Variants in FAM193A observed in about 807,000 individuals in gnomAD.
FAM193A encodes the protein protein FAM193A.
In FAM193A, 22 loss-of-function variants were observed where a neutral mutation model predicts 126.5. The ratio of observed to expected loss-of-function variants is 0.17; its 90% confidence interval spans 0.12 to 0.25. The LOEUF (loss-of-function observed/expected upper bound fraction) is 0.25, where lower values mean the gene tolerates loss of function less well. Among genes scored for constraint, FAM193A ranks in the 10% least tolerant of loss-of-function variants. FAM193A has a pLI of 1.00. For synonymous variants in FAM193A, 761 were observed against 646.8 expected (o/e 1.18, Z -2.68); for missense variants, 1,675 against 1,672.8 (o/e 1.00, Z -0.02).
chr4:2,616,810 C>T (rs1384985916), intron 2 of FAM193A, among the ~76,000 whole-genome samples: 1 of 151,324 alleles, frequency 6.6e-6, no homozygotes, highest in African/African-American at 2.4e-5. Context: ...TCATGATCTG[C>T]CCGCCCTGGC....
At chr4:2,635,996 A>T (rs1038597440) in intron 5 of FAM193A, among the ~76,000 whole-genome samples, 1 of 145,316 alleles carries the variant, frequency 6.9e-6, no homozygotes, top group African/African-American at 2.8e-5. Flanking sequence ...TGGAAAAAGG[A>T]CGAATTTTTT....
chr4:2,622,399 TC>T (rs1206948689), intron 2 of FAM193A, among the ~76,000 whole-genome samples: 1 of 152,046 alleles, frequency 6.6e-6, no homozygotes, highest in Non-Finnish European at 1.5e-5. Flanking sequence ...CCTGTCCTGT[TC>T]CTCCAGGATG....
intron 5 of FAM193A, among the ~76,000 whole-genome samples, chr4:2,638,607 C>G (rs1744318367): frequency 6.6e-6 from 1 of 152,246 alleles, no homozygotes; most frequent in East Asian, 1.9e-4. Context: ...TCTCTCAATT[C>G]TTGTGTTTCC....
rs769099752 is a variant in FAM193A, at chr4:2,630,951, C to G, written c.820C>G (p.Pro274Ala). The G allele has an allele frequency of 6.2e-7, 1 of 1,601,816 alleles. No homozygotes were observed. The highest frequency in any genetic ancestry group is 1.1e-5 in the South Asian group (1 of 90,664). ...TCTGTGCAGGCTCTGCGAGAGGGAC[C>G]CCTACCAGCTGTACCAGCGTCTGGA... ...ELVDRLCERDPYQLYQRLEQQ... is the reference protein window; with the variant it reads ...ELVDRLCERDAYQLYQRLEQQ... Residue 274 changes from proline (P) to alanine (A), a missense_variant, in exon 5 of 21, where the codon CCC becomes GCC. Pro to Ala is a conservative substitution (Grantham distance 27, BLOSUM62 -1). This residue lies in a region of FAM193A where 1,186 missense variants were observed against 1,109.2 expected (regional missense o/e 1.07). Transcript: ENST00000637812.
chr4:2,703,637 A>G (rs1003939749), intron 19 of FAM193A, among the ~76,000 whole-genome samples: 2 of 151,984 alleles, frequency 1.3e-5, no homozygotes, highest in Admixed American at 1.3e-4. Flanking sequence ...GTTTCCTTGG[A>G]GCACTTTCCC....
At chr4:2,655,340 G>A (rs746198677) in intron 7 of FAM193A, among the ~76,000 whole-genome samples, 5 of 152,068 alleles carry the variant, frequency 3.3e-5, no homozygotes, top group African/African-American at 7.2e-5. Context: ...ACATTCTTGC[G>A]TTCCTGGGAT....
intron 5 of FAM193A, 63 bp downstream of exon 5, chr4:2,631,232 G>A: frequency 6.7e-7 from 1 of 1,494,326 alleles, no homozygotes; most frequent in Non-Finnish European, 9.1e-7. Context: ...TGTGGCAAGA[G>A]GAAGCTTCTC....
chr4:2,563,554 A>G (rs912565306), intron 1 of FAM193A, among the ~76,000 whole-genome samples: 3 of 152,100 alleles, frequency 2.0e-5, no homozygotes, highest in Non-Finnish European at 1.5e-5. Context: ...AAACCTCCCA[A>G]AACCAAAACA....
chr4:2,602,648 T>G (rs939806288), intron 2 of FAM193A, among the ~76,000 whole-genome samples: 2 of 151,520 alleles, frequency 1.3e-5, no homozygotes, highest in Non-Finnish European at 2.9e-5. Context: ...GCTGGCCATG[T>G]TTTTCGTTTT....
chr4:2,657,548 C>T (rs1395990389), intron 7 of FAM193A, among the ~76,000 whole-genome samples: 1 of 152,250 alleles, frequency 6.6e-6, no homozygotes, highest in Non-Finnish European at 1.5e-5. Context: ...CAGATTTAGT[C>T]AGAATATCTT....
intron 1 of FAM193A, among the ~76,000 whole-genome samples, chr4:2,562,014 A>C (rs1314538704): frequency 6.6e-6 from 1 of 152,190 alleles, no homozygotes; most frequent in African/African-American, 2.4e-5. Context: ...AGTTTTGTCT[A>C]AAGATCTCAG....
At position 2,694,991 on chromosome 4, in the gene FAM193A, C is replaced by T; in HGVS notation, c.3138C>T (p.Asp1046=). The stretch of plus-strand genomic sequence containing the variant: ...ACCGCTGCGAGAATGGTGTCTACGA[C>T]CCACAGCAGGATGATGGGGACGAGA... ...EGHRCENGVY[D]PQQDDGDESA... The change falls in exon 17 of 21, where the codon GAC becomes GAT. Residue 1046 remains aspartate, a synonymous_variant. Coordinates refer to ENST00000637812, the MANE Select transcript of FAM193A (RefSeq NM_001366318.2). 1 of 1,606,774 alleles carries T rather than the reference C, an allele frequency of 6.2e-7. No homozygotes were observed. The highest frequency in any genetic ancestry group is 8.5e-7 in the Non-Finnish European group (1 of 1,177,020).
rs1023423320 is a variant in FAM193A at position 2,603,274 on chromosome 4, G to A, written c.501+6945G>A. Among the ~76,000 whole-genome samples, 14 of 102,672 alleles carry A rather than the reference G, an allele frequency of 1.4e-4. 1 individual carries two copies. The highest frequency in any genetic ancestry group is 2.8e-4 in the East Asian group (1 of 3,584). 67.4% of individuals were successfully genotyped at this position (102,672 alleles called of 152,430 possible). A position where few individuals can be genotyped will look rare whatever the true frequency, so the allele number is the denominator to read the frequency against. Reference sequence around the variant, plus strand: ...GCTGGGATTATAGGTGTGAGCCACCGCGCCTGGCTTTTTTTGTTTTTTTTT... The same window carrying A: ...GCTGGGATTATAGGTGTGAGCCACCACGCCTGGCTTTTTTTGTTTTTTTTT... On this transcript the variant is annotated intron_variant, in intron 2 of 20. Coordinates refer to ENST00000637812, the MANE Select transcript of FAM193A (RefSeq NM_001366318.2).
chr4:2,726,765 T>TTC (rs1720789438), intron 20 of FAM193A, among the ~76,000 whole-genome samples: 1 of 127,862 alleles, frequency 7.8e-6, no homozygotes, highest in African/African-American at 3.1e-5. Flanking sequence ...AACCCCACCT[T>TTC]TACTAAAAAT....
chr4:2,659,774 A>C (rs1031861327), intron 9 of FAM193A, 38 bp from the exon 10 acceptor site: 15 of 1,614,042 alleles, frequency 9.3e-6, no homozygotes, highest in Non-Finnish European at 1.3e-5. Context: ...AGTCTTGTGC[A>C]TTGGTTGGCT....
intron 7 of FAM193A, chr4:2,654,923 G>T: frequency 2.1e-6 from 1 of 466,998 alleles, no homozygotes; most frequent in Non-Finnish European, 3.9e-6. Flanking sequence ...CTCGCCAGAT[G>T]CCGGCATTAA....
intron 13 of FAM193A, among the ~76,000 whole-genome samples, chr4:2,688,900 G>A (rs942324804): frequency 6.6e-5 from 10 of 152,230 alleles, no homozygotes; most frequent in Admixed American, 5.2e-4. Flanking sequence ...CATGGATGTT[G>A]GCTAGCCAGC....
At chr4:2,603,820 A>G (rs1456096570) in intron 2 of FAM193A, among the ~76,000 whole-genome samples, 1 of 151,736 alleles carries the variant, frequency 6.6e-6, no homozygotes, top group Non-Finnish European at 1.5e-5. Context: ...ACGTGTAAGT[A>G]TCCAAACACA....
intron 7 of FAM193A, among the ~76,000 whole-genome samples, chr4:2,649,692 G>A (rs1333740962): frequency 1.3e-5 from 2 of 152,084 alleles, no homozygotes; most frequent in African/African-American, 2.4e-5. Flanking sequence ...AAATATATAG[G>A]CATAGGGACA....
Sources: gnomAD v4.1 joint callset for allele counts (sites outside exome capture counted in the v4.1 genomes callset) on GRCh38, gnomAD v4.1.1 for gene constraint, gnomAD v4.1.1 regional missense constraint, MANE v1.5 for transcripts, NCBI Gene and HGNC (gene_info 2026-07-23, HGNC 2026-07-21) for gene names.